Variants in SOS2 observed in about 807,000 individuals in gnomAD.
The protein encoded by SOS2 is SOS Ras/Rho guanine nucleotide exchange factor 2.
Under a neutral mutation model 148.2 loss-of-function variants are expected in SOS2, and 65 were observed. The ratio of observed to expected loss-of-function variants is 0.44; its 90% CI spans 0.36 to 0.54. The LOEUF is 0.54. Ranked by LOEUF, SOS2 falls within the 20% of genes least tolerant of loss-of-function variation. The probability of loss-of-function intolerance (pLI) is 0.00; values close to 1 mark genes in which losing one functional copy is unlikely to be tolerated. For missense variants in SOS2, 1,341 were observed against 1,590.2 expected, an observed-to-expected ratio of 0.84 and a Z score of 2.67; for synonymous variants, 539 against 537.1, an observed-to-expected ratio of 1.00 and a Z score of -0.05.
At chr14:50,218,969 C>T (rs1372165519) in intron 1 of SOS2, among the ~76,000 whole-genome samples, 3 of 151,870 alleles carry the variant, frequency 2.0e-5, no homozygotes, top group African/African-American at 7.3e-5. Context: ...AAAAATTAGC[C>T]GGGCGTGGTG....
At position 50,134,104 on chromosome 14, in the gene SOS2, G is replaced by A. The variant is rs200459376; in HGVS notation, c.3075+19C>T. The A allele has an allele frequency of 8.6e-5, 103 of 1,195,798 alleles. No individual in the cohort carries two copies. Among genetic ancestry groups the A allele is most frequent in the Admixed American group, 4.1e-4 (23 of 56,480 alleles). 74.1% of individuals were successfully genotyped at this position (1,195,798 alleles called of 1,614,324 possible). A position where few individuals can be genotyped will look rare whatever the true frequency, so the allele number is the denominator to read the frequency against. On this transcript the variant is annotated intron_variant, in intron 19 of 22. Transcript: ENST00000216373. The stretch of plus-strand genomic sequence containing the variant: ...TTTAAAAAACAGAACACTTGTTCCC[G>A]AAATTATAAAAGACTTACAAATCGA...
chr14:50,230,814 G>A (rs1041017158), intron 1 of SOS2: 11 of 843,180 alleles, frequency 1.3e-5, no homozygotes, highest in Non-Finnish European at 1.6e-5. Flanking sequence ...CACTCCCAAA[G>A]AACTTAATTA....
intron 1 of SOS2, among the ~76,000 whole-genome samples, chr14:50,209,724 C>A (rs1334255241): frequency 6.7e-6 from 1 of 149,870 alleles, no homozygotes. Flanking sequence ...TGCCACTGCA[C>A]TCCAGCTTGG....
In SOS2 at chr14:50,204,890, CT is replaced by C. The variant is rs1312862319; in HGVS notation, c.88-482del. 1.5e-4 allele frequency among the ~76,000 whole-genome samples: 8 copies of C among 53,612 alleles called. No homozygotes were observed. In the South Asian group the frequency reaches 3.3e-3, roughly 22 times the overall value. The allele number at this position is 53,612 out of a possible 152,430, so 35.2% of individuals were successfully genotyped here. The stretch of plus-strand genomic sequence containing the variant: ...TATGCTAAGCACCCCACCTTTTTTT[CT>C]TTTTTTTTCTTTCTTTTTTTTTTTA... On this transcript the variant is annotated intron_variant, in intron 1 of 22. Transcript: ENST00000216373.
At chr14:50,123,344 C>A (rs981356577) in intron 21 of SOS2, among the ~76,000 whole-genome samples, 15 of 146,198 alleles carry the variant, frequency 1.0e-4, no homozygotes, top group Non-Finnish European at 2.2e-4. Flanking sequence ...AAGGAACCGG[C>A]TTTCACTGTG....
At chr14:50,212,476 A>C (rs1886907150) in intron 1 of SOS2, among the ~76,000 whole-genome samples, 1 of 152,264 alleles carries the variant, frequency 6.6e-6, no homozygotes, top group Admixed American at 6.5e-5. Context: ...CCGTCTCAAA[A>C]AGAAAGAAAA....
chr14:50,137,543 G>C (rs1319249973), intron 18 of SOS2, among the ~76,000 whole-genome samples: 1 of 152,104 alleles, frequency 6.6e-6, no homozygotes, highest in Non-Finnish European at 1.5e-5. Context: ...AGATAGTGTA[G>C]AATGTCTAAT....
At chr14:50,156,046 A>G (rs1884805891) in intron 12 of SOS2, 1 of 152,202 alleles carries the variant, frequency 6.6e-6, no homozygotes, top group South Asian at 2.1e-4. Context: ...CCTGGGAAAT[A>G]AATAACTAAT....
intron 8 of SOS2, among the ~76,000 whole-genome samples, chr14:50,163,110 G>A (rs1885064565): frequency 6.6e-6 from 1 of 150,918 alleles, no homozygotes. Context: ...GTCTCACTAT[G>A]CTGCCCAGGC....
rs769329817 is a variant in SOS2, at chr14:50,118,670, C to G, written c.3673G>C (p.Glu1225Gln). The G allele has an allele frequency of 2.6e-5, 42 of 1,613,298 alleles. No individual in the cohort carries two copies. Among genetic ancestry groups the G allele is most frequent in the Non-Finnish European group, 3.2e-5 (38 of 1,179,898 alleles). Residue 1225 changes from glutamate (E) to glutamine (Q), a missense_variant, in exon 23 of 23, where the codon GAA becomes CAA. By Grantham distance (29) the Glu-to-Gln change is conservative. Around this residue, in one of 4 missense-constraint regions of SOS2, gnomAD observed 354 missense variants for 347.7 expected, o/e 1.02. Transcript: ENST00000216373. ...TPPPVPLRPP[E>Q]HFINCPFNLQ... ...TTAAATGGACAGTTTATAAAGTGTT[C>G]TGGAGGCCGAAGGGGAACTGGTGGA...
At chr14:50,231,620 G>C (rs868372892), upstream of SOS2, 2 of 154,512 alleles carry the variant, frequency 1.3e-5, no homozygotes, top group Non-Finnish European at 2.9e-5. Flanking sequence ...CGGCCCGTCA[G>C]GGGTACAGCT....
intron 1 of SOS2, among the ~76,000 whole-genome samples, chr14:50,229,502 TG>T (rs1182055721): frequency 7.4e-4 from 72 of 97,086 alleles, no homozygotes; most frequent in Non-Finnish European, 1.5e-3. Flanking sequence ...CAGCCTAACT[TG>T]AAAAAAAAAA....
chr14:50,124,233 G>A (rs113730896), intron 21 of SOS2, among the ~76,000 whole-genome samples: 10 of 152,226 alleles, frequency 6.6e-5, no homozygotes, highest in African/African-American at 2.4e-4. Flanking sequence ...GTGAGAAGAG[G>A]TCCAGAAACT....
Position 50,159,671 on chromosome 14 carries a change from C to T in SOS2, c.1612G>A (p.Ala538Thr), listed in dbSNP as rs765427688. 14 of 1,613,838 alleles carry T rather than the reference C, an allele frequency of 8.7e-6. No individual in the cohort carries two copies. The highest frequency in any genetic ancestry group is 1.3e-5 in the African/African-American group (1 of 74,894). The change falls in exon 10 of 23, where the codon GCC becomes ACC. Residue 538 changes from alanine to threonine, a missense_variant. Ala to Thr is a moderately conservative substitution (Grantham distance 58). This residue lies in a region of SOS2 where 574 missense variants were observed against 711.1 expected (regional missense o/e 0.81). Coordinates refer to ENST00000216373, the MANE Select transcript of SOS2 (RefSeq NM_006939.4). Reference sequence around the variant, plus strand: ...CTACGATAATGAAGAGAAATAAGGGCTGCCATCCAGTTGTTTTTTTCTTCA... The same window carrying T: ...CTACGATAATGAAGAGAAATAAGGGTTGCCATCCAGTTGTTTTTTTCTTCA... ...SAEEKNNWMA[A>T]LISLHYRSTL...
intron 5 of SOS2, among the ~76,000 whole-genome samples, chr14:50,186,263 A>C (rs1885907784): frequency 1.3e-5 from 2 of 152,220 alleles, no homozygotes; most frequent in Non-Finnish European, 2.9e-5. Context: ...TTTAGTATTA[A>C]AATAGACATT....
intron 1 of SOS2, among the ~76,000 whole-genome samples, chr14:50,207,167 T>C (rs761323843): frequency 2.0e-5 from 3 of 152,170 alleles, no homozygotes; most frequent in Non-Finnish European, 4.4e-5. Context: ...ACTCTCCAAT[T>C]TATTTTGGGA....
chr14:50,220,405 C>CAAAAAAAAAAAAAAAAAAAAAA (rs367829144), intron 1 of SOS2, among the ~76,000 whole-genome samples: 6 of 30,440 alleles, frequency 2.0e-4, no homozygotes, highest in East Asian at 1.4e-3. Context: ...GACTCCATCT[C>CAAAAAAAAAAAAAAAAAAAAAA]AAAAAAAAAA....
intron 8 of SOS2, among the ~76,000 whole-genome samples, chr14:50,168,363 T>C (rs1447828181): frequency 6.6e-6 from 1 of 152,132 alleles, no homozygotes; most frequent in Non-Finnish European, 1.5e-5. Context: ...CTGTGACTAC[T>C]GGCATGCATT....
intron 5 of SOS2, among the ~76,000 whole-genome samples, 166 bp from the exon 6 acceptor site, chr14:50,182,772 G>C (rs1012960811): frequency 6.6e-6 from 1 of 152,248 alleles, no homozygotes; most frequent in Non-Finnish European, 1.5e-5. Context: ...CGCTTCAGCA[G>C]AGGTTCCTAC....
Sources: allele counts gnomAD v4.1 joint callset (sites outside exome capture counted in the v4.1 genomes callset), GRCh38; gene constraint gnomAD v4.1.1; regional missense constraint gnomAD v4.1.1; transcripts MANE v1.5; gene names NCBI Gene and HGNC (gene_info 2026-07-23, HGNC 2026-07-21).